The following PAK1 variants were observed in gnomAD, a reference collection of about 807,000 sequenced individuals.
PAK1 encodes serine/threonine-protein kinase PAK 1.
PAK1 carries 29 observed loss-of-function variants against 67.4 expected under a neutral mutation model. That is an observed-to-expected ratio of 0.43 (90% CI 0.32 to 0.59). The LOEUF is 0.59. PAK1 is among the 20% of genes least tolerant of loss of function. The pLI, the probability that PAK1 is intolerant of heterozygous loss-of-function variation, is 0.07. For synonymous variants in PAK1, 223 were observed against 237.4 expected (o/e 0.94, Z 0.56); for missense variants, 337 against 670.7 (o/e 0.50, Z 5.50).
intron 1 of PAK1, among the ~76,000 whole-genome samples, chr11:77,439,041 A>G (rs1166934944): frequency 6.6e-6 from 1 of 152,174 alleles, no homozygotes; most frequent in Non-Finnish European, 1.5e-5. Context: ...TCATTTGCCT[A>G]AGCCTGTTTC....
the PAK1 span, among the ~76,000 whole-genome samples, chr11:77,512,155 T>C: frequency 6.6e-6 from 1 of 152,184 alleles, no homozygotes; most frequent in Non-Finnish European, 1.5e-5. Flanking sequence ...TGGTTGCTCA[T>C]GGGCAACCGA....
In PAK1 at chr11:77,423,784, T is replaced by G. The variant is rs117068535; in HGVS notation, c.-21-31243A>C. ...GCCTTTGTAGCACAAAAGCAGCCACTGACAATATGTAAATGAATGTGTGTA... is the reference window on the plus strand; with the variant it reads ...GCCTTTGTAGCACAAAAGCAGCCACGGACAATATGTAAATGAATGTGTGTA... On this transcript the variant is annotated intron_variant, in intron 1 of 14. Coordinates refer to ENST00000356341, the MANE Select transcript of PAK1 (RefSeq NM_002576.5). Among the ~76,000 whole-genome samples the G allele has an allele frequency of 8.8e-4, 134 of 152,304 alleles. 3 individuals carry two copies. In the East Asian group the frequency reaches 0.022, roughly 25 times the overall value.
chr11:77,406,139 C>G (rs1204683610), intron 1 of PAK1, among the ~76,000 whole-genome samples: 1 of 152,138 alleles, frequency 6.6e-6, no homozygotes, highest in Non-Finnish European at 1.5e-5. Context: ...CTTACTGATA[C>G]ACTACACTTT....
At chr11:77,444,704 A>C (rs1956516789) in intron 1 of PAK1, among the ~76,000 whole-genome samples, 1 of 152,228 alleles carries the variant, frequency 6.6e-6, no homozygotes. Flanking sequence ...CTAGAAAAAG[A>C]AAAGCTGCCC....
chr11:77,506,294 T>C, the PAK1 span, among the ~76,000 whole-genome samples: 48 of 152,182 alleles, frequency 3.2e-4, no homozygotes, highest in African/African-American at 1.1e-3. Flanking sequence ...CACAACGACA[T>C]GAGGTTGGAG....
chr11:77,456,984 G>A (rs959835402), intron 1 of PAK1, among the ~76,000 whole-genome samples: 2 of 151,998 alleles, frequency 1.3e-5, no homozygotes, highest in Admixed American at 1.3e-4. Context: ...CTTGTGATCC[G>A]CCCGCCTCGG....
At chr11:77,514,860 T>C in the PAK1 span, 2 of 9,480 alleles carry the variant, frequency 2.1e-4, no homozygotes, top group African/African-American at 9.8e-4. Flanking sequence ...GTGCAGACTC[T>C]AAGGCTCAGA....
chr11:77,403,102 C>G (rs887124603), intron 1 of PAK1, among the ~76,000 whole-genome samples: 13 of 152,354 alleles, frequency 8.5e-5, no homozygotes, highest in Middle Eastern at 3.4e-3. Flanking sequence ...GCTGTTTTCC[C>G]TCTTACACCC....
chr11:77,381,176 T>TGG (rs60323469), intron 2 of PAK1, among the ~76,000 whole-genome samples: 6 of 135,352 alleles, frequency 4.4e-5, no homozygotes, highest in African/African-American at 1.2e-4. Flanking sequence ...TGTGTGTGTG[T>TGG]AGAGAGAGAG....
chr11:77,373,381 G>A (rs1302741926), intron 5 of PAK1, among the ~76,000 whole-genome samples: 1 of 151,766 alleles, frequency 6.6e-6, no homozygotes, highest in Admixed American at 6.6e-5. Flanking sequence ...TTAAAAAATT[G>A]TCTGTCTGAC....
At chr11:77,469,905 T>A (rs1957771906) in intron 1 of PAK1, among the ~76,000 whole-genome samples, 1 of 152,176 alleles carries the variant, frequency 6.6e-6, no homozygotes, top group African/African-American at 2.4e-5. Flanking sequence ...CAAATCAGGA[T>A]AATTAGCATA....
chr11:77,407,894 T>C (rs1953861205), intron 1 of PAK1, among the ~76,000 whole-genome samples: 1 of 152,192 alleles, frequency 6.6e-6, no homozygotes, highest in Non-Finnish European at 1.5e-5. Context: ...CACAGTGACC[T>C]GCCACATGGG....
chr11:77,422,498 T>G (rs1207643320), intron 1 of PAK1, among the ~76,000 whole-genome samples: 1 of 148,392 alleles, frequency 6.7e-6, no homozygotes, highest in Non-Finnish European at 1.5e-5. Context: ...GAGGTTGCAG[T>G]AAGCCGAGAT....
upstream of PAK1, chr11:77,475,091 T>C (rs1017087806): frequency 3.9e-5 from 6 of 152,236 alleles, no homozygotes; most frequent in African/African-American, 9.6e-5. Flanking sequence ...ACAAGCCCTT[T>C]AGAATGTTGG....
intron 1 of PAK1, among the ~76,000 whole-genome samples, chr11:77,425,681 G>C (rs1219912543): frequency 6.6e-6 from 1 of 152,170 alleles, no homozygotes; most frequent in African/African-American, 2.4e-5. Flanking sequence ...GACAAGCCTA[G>C]CACCGTGTAA....
At chr11:77,380,915 T>C (rs1949722363) in intron 2 of PAK1, among the ~76,000 whole-genome samples, 1 of 152,182 alleles carries the variant, frequency 6.6e-6, no homozygotes, top group Non-Finnish European at 1.5e-5. Context: ...TAAATGTTCA[T>C]TTCAGCAGCT....
intron 1 of PAK1, among the ~76,000 whole-genome samples, chr11:77,400,124 C>T (rs1383848579): frequency 6.6e-6 from 1 of 151,828 alleles, no homozygotes; most frequent in African/African-American, 2.4e-5. Flanking sequence ...TAGGTCCAGG[C>T]ATTAGTATAT....
Position 77,332,851 on chromosome 11 carries a change from GCAATGAGGTA to G in PAK1, c.1420_1429del (p.Tyr474ProfsTer22). ...CTGAAGTTCTGGGGTCCCATTGGTG[GCAATGAGGTA>G]CAAGGCCTGGCAATAAAAATGGTGA... On this transcript the variant is annotated frameshift_variant, in exon 14 of 15. Coordinates refer to ENST00000356341, the MANE Select transcript of PAK1 (RefSeq NM_002576.5). LOFTEE classifies it high-confidence loss of function. 6.2e-7 allele frequency: 1 copy of G among 1,613,636 alleles called. No individual in the cohort carries two copies. The highest frequency in any genetic ancestry group is 8.5e-7 in the Non-Finnish European group (1 of 1,179,580).
chr11:77,434,692 C>G (rs566061400), intron 1 of PAK1, among the ~76,000 whole-genome samples: 1 of 152,036 alleles, frequency 6.6e-6, no homozygotes, highest in African/African-American at 2.4e-5. Flanking sequence ...GATGTCTGCT[C>G]ACTGCAACCT....
Sources: gnomAD v4.1 joint callset for allele counts (sites outside exome capture counted in the v4.1 genomes callset) on GRCh38, gnomAD v4.1.1 for gene constraint, MANE v1.5 for transcripts, NCBI Gene and HGNC (gene_info 2026-07-23, HGNC 2026-07-21) for gene names.